Variants in TNFAIP8 observed in about 807,000 individuals in gnomAD.
The protein encoded by TNFAIP8 is TNF alpha induced protein 8.
Under a neutral mutation model 13.3 loss-of-function variants are expected in TNFAIP8, and 7 were observed. The ratio of observed to expected loss-of-function variants is 0.52; its 90% confidence interval spans 0.30 to 0.99. The LOEUF (loss-of-function observed/expected upper bound fraction) is 0.99. Among genes scored for constraint, TNFAIP8 ranks in the 50% least tolerant of loss-of-function variants. TNFAIP8 has a pLI of 0.07. For missense variants in TNFAIP8, 258 were observed against 236.9 expected, an observed-to-expected ratio of 1.09 and a Z score of -0.58; for synonymous variants, 94 against 87.6, an observed-to-expected ratio of 1.07 and a Z score of -0.41.
intron 1 of TNFAIP8, among the ~76,000 whole-genome samples, chr5:119,348,880 C>CAAAAAAA (rs60633145): frequency 6.6e-5 from 6 of 90,972 alleles, no homozygotes; most frequent in East Asian, 1.7e-3. Flanking sequence ...AACTCCATCT[C>CAAAAAAA]AAAAAAAAAA....
intron 1 of TNFAIP8, among the ~76,000 whole-genome samples, chr5:119,269,420 C>T (rs1396065858): frequency 6.6e-6 from 1 of 152,080 alleles, no homozygotes; most frequent in Non-Finnish European, 1.5e-5. Flanking sequence ...TGGAGACTTC[C>T]TTTGAGGAAG....
At chr5:119,275,227 A>T (rs1748403544) in intron 1 of TNFAIP8, among the ~76,000 whole-genome samples, 2 of 152,212 alleles carry the variant, frequency 1.3e-5, no homozygotes, top group Non-Finnish European at 2.9e-5. Flanking sequence ...ACAAAAAATA[A>T]CAACCAAAAC....
chr5:119,283,007 C>A (rs1386954407), intron 1 of TNFAIP8, among the ~76,000 whole-genome samples: 1 of 152,196 alleles, frequency 6.6e-6, no homozygotes, highest in Non-Finnish European at 1.5e-5. Context: ...CTATTGTGTT[C>A]CTCCTGGTCG....
At position 119,306,173 on chromosome 5, in the gene TNFAIP8, C is replaced by T. The variant is rs80250469; in HGVS notation, c.1+37266C>T. ...AGCTATACCTTTTGGCAAAACTTGC[C>T]TAAATGATCAGAAAACAGAAAAGAA... On this transcript the variant is annotated intron_variant, in intron 1 of 1. Coordinates refer to the TNFAIP8 transcript ENST00000274456. Among the ~76,000 whole-genome samples, 1,264 of 152,272 alleles carry T rather than the reference C, an allele frequency of 8.3e-3. 20 individuals are homozygous for T. Among genetic ancestry groups the T allele is most frequent in the South Asian group, 0.05 (240 of 4,820 alleles).
chr5:119,360,187 C>T (rs768382060), intron 1 of TNFAIP8, among the ~76,000 whole-genome samples: 3 of 152,176 alleles, frequency 2.0e-5, no homozygotes, highest in Non-Finnish European at 4.4e-5. Flanking sequence ...TTTCCTGCTC[C>T]TGACTGTTGG....
At chr5:119,340,246 C>T (rs74968288) in intron 1 of TNFAIP8, among the ~76,000 whole-genome samples, 2,416 of 152,320 alleles carry the variant, frequency 0.016, 24 homozygotes, top group Middle Eastern at 0.044. Context: ...TGGAAATATA[C>T]GCACAGGGGG....
At chr5:119,324,274 CAAAAAAAAAAAAAAAAAAAAAAAAAAAA>C (rs56104829) in intron 1 of TNFAIP8, among the ~76,000 whole-genome samples, 5 of 77,670 alleles carry the variant, frequency 6.4e-5, no homozygotes, top group East Asian at 7.0e-4. Flanking sequence ...GACGCCATCT[CAAAAAAAAAAAAAAAAAAAAAAAAAAAA>C]AAAAAAAAAA....
intron 1 of TNFAIP8, among the ~76,000 whole-genome samples, chr5:119,371,952 A>C (rs1752090186): frequency 6.6e-6 from 1 of 151,894 alleles, no homozygotes; most frequent in Admixed American, 6.6e-5. Context: ...CCTGGATAAC[A>C]CAGTGAAACC....
At chr5:119,312,745 C>CAAA (rs869226026) in intron 1 of TNFAIP8, among the ~76,000 whole-genome samples, 58 of 43,308 alleles carry the variant, frequency 1.3e-3, no homozygotes, top group Admixed American at 2.0e-3. Context: ...GCAAAAAATA[C>CAAA]AAAAAAAAAA....
At chr5:119,387,038 T>C (rs1178291005) in intron 1 of TNFAIP8, among the ~76,000 whole-genome samples, 1 of 149,928 alleles carries the variant, frequency 6.7e-6, no homozygotes, top group African/African-American at 2.4e-5. Context: ...TTCTTCTCTA[T>C]GCTGTTGAAT....
chr5:119,360,359 A>G (rs1751586127), intron 1 of TNFAIP8, among the ~76,000 whole-genome samples: 1 of 152,228 alleles, frequency 6.6e-6, no homozygotes, highest in Non-Finnish European at 1.5e-5. Context: ...AGCAACTTGT[A>G]AGTCAGTGAG....
Position 119,397,739 on chromosome 5 carries a change from C to T in TNFAIP8, c.*4358C>T, listed in dbSNP as rs1249087836. ...GATGCAACAGGAAAACCTTTAACTA[C>T]TTATAATCCCGTATAGTCACCATCA... On this transcript the variant is annotated 3_prime_UTR_variant, in exon 2 of 2. Coordinates refer to ENST00000504771, the MANE Select transcript of TNFAIP8 (RefSeq NM_014350.4). 1 of 152,216 alleles carries T rather than the reference C, an allele frequency of 6.6e-6. No homozygotes were observed. Among genetic ancestry groups the T allele is most frequent in the East Asian group, 1.9e-4 (1 of 5,204 alleles). 9.4% of individuals were successfully genotyped at this position (152,216 alleles called of 1,614,324 possible).
At chr5:119,333,070 G>C (rs1021984787) in intron 1 of TNFAIP8, 1 of 360,154 alleles carries the variant, frequency 2.8e-6, no homozygotes, top group Non-Finnish European at 3.8e-6. Flanking sequence ...TTTTTTTCAG[G>C]CATCTGTGAA....
chr5:119,346,829 C>T (rs1750915780), intron 1 of TNFAIP8, among the ~76,000 whole-genome samples: 2 of 152,202 alleles, frequency 1.3e-5, no homozygotes, highest in Non-Finnish European at 2.9e-5. Context: ...GGTACACTGG[C>T]ACATAATTTG....
chr5:119,387,169 C>T (rs1030759335), intron 1 of TNFAIP8, among the ~76,000 whole-genome samples: 29 of 152,132 alleles, frequency 1.9e-4, no homozygotes, highest in East Asian at 1.3e-3. Context: ...GTCAACTCTT[C>T]GCCTGCTGAC....
At position 119,396,080 on chromosome 5, in the gene TNFAIP8, A is replaced by C. The variant is rs1176934444; in HGVS notation, c.*2699A>C. The stretch of plus-strand genomic sequence containing the variant: ...TCTTATAGATAAGGAAACTAGGGGA[A>C]TAGAAGTTAAGGAATTTCCTGAGGT... On this transcript the variant is annotated 3_prime_UTR_variant, in exon 2 of 2. Coordinates refer to ENST00000504771, the MANE Select transcript of TNFAIP8 (RefSeq NM_014350.4). The C allele has an allele frequency of 6.6e-6, 1 of 152,222 alleles. No homozygotes were observed. Among genetic ancestry groups the C allele is most frequent in the Non-Finnish European group, 1.5e-5 (1 of 68,042 alleles). 9.4% of individuals were successfully genotyped at this position (152,222 alleles called of 1,614,324 possible). A position where few individuals can be genotyped will look rare whatever the true frequency, so the allele number is the denominator to read the frequency against.
chr5:119,326,472 C>T (rs1001452322), intron 1 of TNFAIP8, among the ~76,000 whole-genome samples: 2 of 152,086 alleles, frequency 1.3e-5, no homozygotes, highest in African/African-American at 2.4e-5. Context: ...CAGTGAAGCA[C>T]GGTGGGGGCA....
At chr5:119,290,291 T>G (rs903384778) in intron 1 of TNFAIP8, among the ~76,000 whole-genome samples, 27 of 152,226 alleles carry the variant, frequency 1.8e-4, no homozygotes, top group African/African-American at 6.5e-4. Flanking sequence ...GGTTCTGGCT[T>G]GAGGTCTCCC....
intron 1 of TNFAIP8, among the ~76,000 whole-genome samples, chr5:119,344,303 CT>C (rs1360757695): frequency 6.6e-6 from 1 of 152,114 alleles, no homozygotes; most frequent in East Asian, 1.9e-4. Flanking sequence ...GTACCAGGCT[CT>C]TTTAAAGAAC....
Sources: allele counts gnomAD v4.1 joint callset (sites outside exome capture counted in the v4.1 genomes callset), GRCh38; gene constraint gnomAD v4.1.1; transcripts MANE v1.5; gene names NCBI Gene and HGNC (gene_info 2026-07-23, HGNC 2026-07-21).